BRD1: variants seen among roughly 807,000 people sequenced by gnomAD.
BRD1 encodes the protein bromodomain-containing protein 1.
In BRD1, 24 loss-of-function variants were observed where a neutral mutation model predicts 107.7. That is an observed-to-expected ratio of 0.22 (90% CI 0.16 to 0.31). The LOEUF is 0.31. BRD1 is among the 10% of genes least tolerant of loss of function. The pLI, the probability that BRD1 is intolerant of heterozygous loss-of-function variation, is 1.00. For missense variants in BRD1, 1,279 were observed against 1,638.6 expected, an observed-to-expected ratio of 0.78 and a Z score of 3.79; for synonymous variants, 744 against 686.1, an observed-to-expected ratio of 1.08 and a Z score of -1.32.
intron 7 of BRD1, 48 bp downstream of exon 7, chr22:49,793,986 C>G (rs778100418): frequency 6.3e-7 from 1 of 1,576,316 alleles, no homozygotes; most frequent in African/African-American, 1.3e-5. Context: ...TGTGCCTGAG[C>G]CTGAGCCGTG....
rs758641842 is a variant in BRD1 at position 49,776,110 on chromosome 22, C to G, written c.3171G>C (p.Val1057=). Reference sequence around the variant, plus strand: ...CCCACACCACCTTCAGAGGCTCCAGCACCGAGGCGGCGGCATCAGTGGAGA... The same window carrying G: ...CCCACACCACCTTCAGAGGCTCCAGGACCGAGGCGGCGGCATCAGTGGAGA... ...MWISTDAAAS[V]LEPLKVVWAK... is the part of the protein sequence containing the mutation. The change falls in exon 11 of 13, where the codon GTG becomes GTC. Residue 1057 remains valine (V), a synonymous_variant. Coordinates refer to ENST00000404760, the MANE Select transcript of BRD1 (RefSeq NM_001304808.3). 3 of 1,605,332 alleles carry G rather than the reference C, an allele frequency of 1.9e-6. No individual in the cohort carries two copies. Among genetic ancestry groups the G allele is most frequent in the Middle Eastern group, 1.7e-4 (1 of 6,052 alleles).
chr22:49,804,081 G>T, intron 3 of BRD1, 123 bp downstream of exon 3: 1 of 811,792 alleles, frequency 1.2e-6, no homozygotes, highest in Non-Finnish European at 1.8e-6. Flanking sequence ...ACGAGACGGA[G>T]GCTTCCCAAC....
Position 49,803,795 on chromosome 22 carries a change from C to A in BRD1, c.1524+409G>T, listed in dbSNP as rs1348798695. ...AAACCCACCCTCCAGGCCCAGCACA[C>A]AGACCCCCACCCACATGGCCCGGGT... On this transcript the variant is annotated intron_variant, in intron 3 of 12. Transcript: ENST00000404760. This position sits in a 1 kb window ranked among gnomAD's most constrained non-coding sequence, Gnocchi z 4.4. Among the ~76,000 whole-genome samples the A allele has an allele frequency of 6.6e-6, 1 of 152,120 alleles. No individual in the cohort carries two copies. Among genetic ancestry groups the A allele is most frequent in the Non-Finnish European group, 1.5e-5 (1 of 68,026 alleles).
intron 7 of BRD1, among the ~76,000 whole-genome samples, chr22:49,791,715 C>T (rs910761937): frequency 6.6e-6 from 1 of 152,060 alleles, no homozygotes; most frequent in African/African-American, 2.4e-5. Flanking sequence ...CTCTGAGGGG[C>T]AGGACCCCGC....
In BRD1 at chr22:49,803,328, C is replaced by T. The variant is rs1054998483; in HGVS notation, c.1524+876G>A. Among the ~76,000 whole-genome samples the T allele has an allele frequency of 2.0e-5, 3 of 152,242 alleles. No homozygotes were observed. The highest frequency in any genetic ancestry group is 7.2e-5 in the African/African-American group (3 of 41,456). On this transcript the variant is annotated intron_variant, in intron 3 of 12. Coordinates refer to ENST00000404760, the MANE Select transcript of BRD1 (RefSeq NM_001304808.3). The surrounding 1 kb of genome is among the most constrained non-coding windows in gnomAD (Gnocchi z 4.4). ...ACCTCACAGCAGAGCAGGATGGTTT[C>T]GCTTCGTGCCCAGGATGGCAGTGAA...
chr22:49,780,677 C>T (rs1601610489), intron 8 of BRD1, among the ~76,000 whole-genome samples: 1 of 152,364 alleles, frequency 6.6e-6, no homozygotes, highest in East Asian at 1.9e-4. Flanking sequence ...ACCTGGACCA[C>T]CAGAAAATAA....
In BRD1 at chr22:49,823,928, C is replaced by A. The variant is rs768483107; in HGVS notation, c.390G>T (p.Pro130=). The A allele has an allele frequency of 2.5e-6, 4 of 1,614,088 alleles. No homozygotes were observed. In the African/African-American group the frequency reaches 5.3e-5, roughly 22 times the overall value. The change falls in exon 2 of 13, where the codon CCG becomes CCT. Residue 130 remains proline (P), a synonymous_variant. Coordinates refer to ENST00000404760, the MANE Select transcript of BRD1 (RefSeq NM_001304808.3). ...ACACAGGAGGCCTCCTGGGGGCGGA[C>A]GGAGGGCTGTACTCCACGATGCGCA... The part of the protein sequence containing the change: ...PKVRIVEYSP[P]SAPRRPPVYY...
chr22:49,787,192 C>G (rs542885374), intron 8 of BRD1, among the ~76,000 whole-genome samples, 198 bp downstream of exon 8: 2 of 152,176 alleles, frequency 1.3e-5, no homozygotes, highest in African/African-American at 2.4e-5. Context: ...ACAGGCCCCC[C>G]ACGAAGGCGC....
intron 2 of BRD1, among the ~76,000 whole-genome samples, chr22:49,807,377 G>C (rs992295215): frequency 4.6e-5 from 7 of 152,150 alleles, no homozygotes; most frequent in Non-Finnish European, 8.8e-5. Flanking sequence ...TTACCACAAA[G>C]CTACGGTCAT....
chr22:49,806,469 T>C (rs899479503), intron 2 of BRD1: 5 of 152,114 alleles, frequency 3.3e-5, no homozygotes, highest in Non-Finnish European at 5.9e-5. Flanking sequence ...AGGAAGAGCA[T>C]GGAAGAGCAG....
intron 3 of BRD1, among the ~76,000 whole-genome samples, chr22:49,799,494 C>T (rs2059601074): frequency 6.6e-6 from 1 of 152,228 alleles, no homozygotes; most frequent in Non-Finnish European, 1.5e-5. Flanking sequence ...CCTTGAGGAC[C>T]CACCTCCAGG....
chr22:49,784,532 G>A lies in BRD1; in HGVS notation c.2857+2858C>T, dbSNP rs1305504391. ...AGCACAGCCGGCCCGCGGGCGACAC[G>A]GGCAGGAGGCCCACAGTGAGTGCGT... On this transcript the variant is annotated intron_variant, in intron 8 of 12. Coordinates refer to ENST00000404760, the MANE Select transcript of BRD1 (RefSeq NM_001304808.3). Among the ~76,000 whole-genome samples the A allele has an allele frequency of 6.6e-5, 10 of 152,230 alleles. No homozygotes were observed. In the South Asian group the frequency reaches 8.3e-4, roughly 13 times the overall value.
At chr22:49,816,968 G>A (rs1214375434) in intron 2 of BRD1, among the ~76,000 whole-genome samples, 1 of 152,236 alleles carries the variant, frequency 6.6e-6, no homozygotes, top group Admixed American at 6.5e-5. Context: ...GCCAGGACCT[G>A]AGGGAAGAGA....
intron 2 of BRD1, among the ~76,000 whole-genome samples, chr22:49,812,100 GCTC>G (rs59123934): frequency 0.041 from 5,954 of 144,076 alleles, 313 homozygotes; most frequent in African/African-American, 0.14. Flanking sequence ...AGCACAGTCT[GCTC>G]CTTTTTTTTT....
At chr22:49,804,122 G>T in intron 3 of BRD1, 82 bp downstream of exon 3, 2 of 1,322,406 alleles carry the variant, frequency 1.5e-6, no homozygotes, top group Non-Finnish European at 2.0e-6. Flanking sequence ...GCAGCACCGT[G>T]ACCAGCCTGA....
At position 49,824,603 on chromosome 22, in the gene BRD1, T is replaced by C; in HGVS notation, c.-14-272A>G. 7.9e-7 allele frequency: 1 copy of C among 1,267,776 alleles called. No individual in the cohort carries two copies. Among genetic ancestry groups the C allele is most frequent in the African/African-American group, 1.5e-5 (1 of 66,046 alleles). The allele number at this position is 1,267,776 out of a possible 1,614,324, so 78.5% of individuals were successfully genotyped here. A position where few individuals can be genotyped will look rare whatever the true frequency, so the allele number is the denominator to read the frequency against. On this transcript the variant is annotated intron_variant, in intron 1 of 12. Coordinates refer to ENST00000404760, the MANE Select transcript of BRD1 (RefSeq NM_001304808.3). The surrounding 1 kb of genome is among the most constrained non-coding windows in gnomAD (Gnocchi z 5.9). ...TCCCTACCACCACACACCAGTCCCC[T>C]CTCAGACCACACCAACAGGCTGCGG...
At chr22:49,797,673 T>C (rs1426275012) in intron 6 of BRD1, 132 bp downstream of exon 6, 4 of 845,266 alleles carry the variant, frequency 4.7e-6, no homozygotes, top group African/African-American at 1.7e-5. Context: ...TACTAGAAAA[T>C]GTAAATGATG....
In BRD1 at chr22:49,789,623, G is replaced by C. The variant is rs970833416; in HGVS notation, c.2360-1736C>G. 5.9e-5 allele frequency among the ~76,000 whole-genome samples: 9 copies of C among 152,112 alleles called. No homozygotes were observed. In the South Asian group the frequency reaches 1.7e-3, roughly 28 times the overall value. The stretch of plus-strand genomic sequence containing the variant: ...CTATGGGTGCAACAGCACCCGGCCA[G>C]CAGAGATGGAGCCTGAAGGAGTCTC... On this transcript the variant is annotated intron_variant, in intron 7 of 12. Transcript: ENST00000404760.
At position 49,797,797 on chromosome 22, in the gene BRD1, G is replaced by A; in HGVS notation, c.2098+8C>T. 6.3e-7 allele frequency: 1 copy of A among 1,587,080 alleles called. No homozygotes were observed. The highest frequency in any genetic ancestry group is 1.1e-5 in the South Asian group (1 of 89,180). Reference sequence around the variant, plus strand: ...TCCACCTCCTCCGGACACGGCGCCAGTTCTTACCGTCTTCCCAGGAGAAAG... The same window carrying A: ...TCCACCTCCTCCGGACACGGCGCCAATTCTTACCGTCTTCCCAGGAGAAAG... On this transcript the variant is annotated splice_region_variant and intron_variant, in intron 6 of 12. Coordinates refer to ENST00000404760, the MANE Select transcript of BRD1 (RefSeq NM_001304808.3).
Sources: allele counts gnomAD v4.1 joint callset (sites outside exome capture counted in the v4.1 genomes callset), GRCh38; gene constraint gnomAD v4.1.1; non-coding constraint Gnocchi (gnomAD v3.1); transcripts MANE v1.5; gene names NCBI Gene and HGNC (gene_info 2026-07-23, HGNC 2026-07-21).